The following DLGAP1 variants were observed in gnomAD, a reference collection of about 807,000 sequenced individuals.
DLGAP1 encodes disks large-associated protein 1.
In DLGAP1, 11 loss-of-function variants were observed where a neutral mutation model predicts 90.8. That is an observed-to-expected ratio of 0.12 (90% confidence interval 0.08 to 0.20). The LOEUF is 0.20. Among genes scored for constraint, DLGAP1 ranks in the 10% least tolerant of loss-of-function variants. The pLI is 1.00. For synonymous variants in DLGAP1, 558 were observed against 540.7 expected (o/e 1.03, Z -0.44); for missense variants, 1,050 against 1,333.8 (o/e 0.79, Z 3.31).
chr18:4,363,738 T>C (rs2081686654), intron 1 of DLGAP1, among the ~76,000 whole-genome samples: 1 of 152,112 alleles, frequency 6.6e-6, no homozygotes. Flanking sequence ...ATGGCAATCA[T>C]TAAAAAGTCA....
At chr18:3,756,892 T>TA (rs1200800453) in intron 5 of DLGAP1, among the ~76,000 whole-genome samples, 3 of 151,874 alleles carry the variant, frequency 2.0e-5, no homozygotes, top group Admixed American at 1.3e-4. Flanking sequence ...CAAGAAGAAA[T>TA]AAAAAATCTG....
intron 1 of DLGAP1, among the ~76,000 whole-genome samples, chr18:4,326,833 G>T: frequency 6.6e-6 from 1 of 152,044 alleles, no homozygotes; most frequent in East Asian, 1.9e-4. Context: ...GAGAACAACA[G>T]ACAGTGGGCC....
At chr18:4,272,541 C>A (rs956776523) in intron 1 of DLGAP1, among the ~76,000 whole-genome samples, 1 of 152,152 alleles carries the variant, frequency 6.6e-6, no homozygotes, top group Non-Finnish European at 1.5e-5. Context: ...AATAATCCGA[C>A]TTAGTCCCTT....
At chr18:3,799,361 G>A (rs1478328021) in intron 5 of DLGAP1, among the ~76,000 whole-genome samples, 2 of 152,142 alleles carry the variant, frequency 1.3e-5, no homozygotes, top group Non-Finnish European at 2.9e-5. Flanking sequence ...AAGAAGAGGA[G>A]TGTGGCTAAG....
intron 2 of DLGAP1, among the ~76,000 whole-genome samples, chr18:4,025,043 A>G (rs2074676476): frequency 6.6e-6 from 1 of 152,218 alleles, no homozygotes; most frequent in South Asian, 2.1e-4. Flanking sequence ...CCTGCCTCCC[A>G]TAAGTACTTC....
At chr18:3,961,882 G>C (rs1268081786) in intron 3 of DLGAP1, among the ~76,000 whole-genome samples, 12 of 152,186 alleles carry the variant, frequency 7.9e-5, no homozygotes. Flanking sequence ...TCTGACACAG[G>C]GCACAGGACA....
chr18:3,845,401 G>C (rs1346726935), intron 4 of DLGAP1: 7 of 1,402,190 alleles, frequency 5.0e-6, no homozygotes, highest in African/African-American at 1.4e-5. Flanking sequence ...GGTGGGGGGA[G>C]AGTGGTTGGT....
chr18:4,326,811 C>A (rs574580), intron 1 of DLGAP1, among the ~76,000 whole-genome samples: 75,571 of 151,854 alleles, frequency 0.5, 19,455 homozygotes, highest in African/African-American at 0.63. Flanking sequence ...GAGAACACAT[C>A]GTTACTAGGA....
chr18:3,582,434 C>T (rs994577287), intron 7 of DLGAP1, among the ~76,000 whole-genome samples, 186 bp from the exon 8 acceptor site: 1 of 152,084 alleles, frequency 6.6e-6, no homozygotes, highest in African/African-American at 2.4e-5. Context: ...TCTGAGGTGA[C>T]ACCTCCACAA....
chr18:4,265,930 C>T (rs753461155), intron 1 of DLGAP1, among the ~76,000 whole-genome samples: 4 of 151,736 alleles, frequency 2.6e-5, no homozygotes, highest in Non-Finnish European at 5.9e-5. Context: ...TCAAGCGATC[C>T]TCCCTCCTCA....
At chr18:3,551,675 TTCCC>T in intron 9 of DLGAP1, among the ~76,000 whole-genome samples, 1 of 56,136 alleles carries the variant, frequency 1.8e-5, no homozygotes, top group African/African-American at 6.4e-5. Flanking sequence ...CTTCTTTCTT[TTCCC>T]TCCCCTCCCT....
At chr18:4,305,937 T>G (rs1011729739) in intron 1 of DLGAP1, among the ~76,000 whole-genome samples, 12 of 151,692 alleles carry the variant, frequency 7.9e-5, no homozygotes, top group Non-Finnish European at 1.8e-4. Context: ...GAATTTTAGG[T>G]TTTAGTTTTG....
chr18:4,348,124 G>A (rs2081333779), intron 1 of DLGAP1, among the ~76,000 whole-genome samples: 2 of 152,054 alleles, frequency 1.3e-5, no homozygotes, highest in Admixed American at 6.6e-5. Flanking sequence ...CCAAAGACAA[G>A]GAAAAGTATC....
At chr18:4,069,992 T>C (rs997047247) in intron 2 of DLGAP1, among the ~76,000 whole-genome samples, 2 of 149,050 alleles carry the variant, frequency 1.3e-5, no homozygotes, top group Non-Finnish European at 1.5e-5. Flanking sequence ...TTCTTTCTTT[T>C]TTTTTTTTGA....
intron 1 of DLGAP1, among the ~76,000 whole-genome samples, chr18:4,247,049 TGGA>T: frequency 6.6e-6 from 1 of 151,992 alleles, no homozygotes. Context: ...TCACCTGAAT[TGGA>T]GGAGTAGTAG....
intron 3 of DLGAP1, among the ~76,000 whole-genome samples, chr18:3,909,427 G>A (rs1338336895): frequency 6.6e-6 from 1 of 152,144 alleles, no homozygotes; most frequent in Non-Finnish European, 1.5e-5. Flanking sequence ...ACCATTAACT[G>A]CAATTTGTAA....
chr18:3,717,919 G>A (rs529093169), intron 7 of DLGAP1, among the ~76,000 whole-genome samples: 1 of 152,254 alleles, frequency 6.6e-6, no homozygotes, highest in African/African-American at 2.4e-5. Context: ...TAGGAAGTAG[G>A]AACTTCAAGA....
chr18:3,501,550 G>A (rs918496248), intron 12 of DLGAP1, among the ~76,000 whole-genome samples: 10 of 152,172 alleles, frequency 6.6e-5, no homozygotes, highest in Admixed American at 2.6e-4. Context: ...TTTTTCCTGG[G>A]AGACCATTGA....
chr18:4,057,731 G>A (rs559623814), intron 2 of DLGAP1, among the ~76,000 whole-genome samples: 1 of 152,342 alleles, frequency 6.6e-6, no homozygotes, highest in East Asian at 1.9e-4. Flanking sequence ...GAGGAGGCAA[G>A]AATCAAGTAT....
Sources: allele counts gnomAD v4.1 joint callset (sites outside exome capture counted in the v4.1 genomes callset), GRCh38; gene constraint gnomAD v4.1.1; transcripts MANE v1.5; gene names NCBI Gene and HGNC (gene_info 2026-07-23, HGNC 2026-07-21).